CELF2: variants seen among roughly 807,000 people sequenced by gnomAD.
The protein encoded by CELF2 is CUGBP Elav-like family member 2.
CELF2 carries 8 observed loss-of-function variants against 62.6 expected under a neutral mutation model. The observed-to-expected ratio is 0.13, with a 90% CI of 0.07 to 0.23. The LOEUF (loss-of-function observed/expected upper bound fraction) is 0.23. CELF2 is among the 10% of genes least tolerant of loss of function. CELF2 has a pLI of 1.00. For missense variants in CELF2, 333 were observed against 671.0 expected (o/e 0.50, Z 5.56); for synonymous variants, 258 against 250.0 (o/e 1.03, Z -0.30).
intron 1 of CELF2, among the ~76,000 whole-genome samples, chr10:11,113,113 A>T (rs533040781): frequency 2.0e-5 from 3 of 152,258 alleles, no homozygotes; most frequent in Non-Finnish European, 4.4e-5. Flanking sequence ...GAACAGGGAA[A>T]CACAATTTTT....
chr10:10,560,315 G>A, the CELF2 span, among the ~76,000 whole-genome samples: 3 of 152,202 alleles, frequency 2.0e-5, no homozygotes, highest in South Asian at 6.2e-4. Context: ...TGTTTGAAAT[G>A]TAGAATGTAA....
chr10:10,485,348 T>G, the CELF2 span, among the ~76,000 whole-genome samples: 1 of 152,222 alleles, frequency 6.6e-6, no homozygotes, highest in African/African-American at 2.4e-5. Flanking sequence ...GTTCTACTCA[T>G]TTTTATTTTA....
chr10:10,732,046 G>T, the CELF2 span, among the ~76,000 whole-genome samples: 1 of 152,034 alleles, frequency 6.6e-6, no homozygotes, highest in Admixed American at 6.6e-5. Context: ...TACCCCATAT[G>T]TCCTGGCCTG....
chr10:10,822,123 T>C (rs1292077881), intron 1 of CELF2, among the ~76,000 whole-genome samples: 3 of 152,148 alleles, frequency 2.0e-5, no homozygotes, highest in African/African-American at 7.2e-5. Context: ...CGTTGTGCTG[T>C]GGTTGCTTGT....
the CELF2 span, among the ~76,000 whole-genome samples, chr10:10,615,240 G>A: frequency 5.8e-3 from 890 of 152,180 alleles, 3 homozygotes; most frequent in Non-Finnish European, 8.2e-3. Context: ...TGTGGGTCCC[G>A]TATTTGCCAA....
rs559470684 is a variant in CELF2 at position 11,332,856 on chromosome 10, A to G, written c.*3803A>G. ...TTTACTACTGCTGGGGCCTTCCTTC[A>G]TCCTCTGAGGGCTATTTTGTACTTT... is the stretch of plus-strand genomic sequence containing the variant. On this transcript the variant is annotated 3_prime_UTR_variant, in exon 13 of 13. Coordinates refer to ENST00000633077, the MANE Select transcript of CELF2 (RefSeq NM_001326342.2). 6 of 152,688 alleles carry G rather than the reference A, an allele frequency of 3.9e-5. No individual in the cohort carries two copies. In the South Asian group the frequency reaches 8.3e-4, roughly 21 times the overall value. 9.5% of individuals were successfully genotyped at this position (152,688 alleles called of 1,614,324 possible).
the CELF2 span, among the ~76,000 whole-genome samples, chr10:10,658,830 T>G: frequency 6.6e-6 from 1 of 152,138 alleles, no homozygotes; most frequent in East Asian, 1.9e-4. Context: ...ATCTGGAATT[T>G]ATGTTTTTAG....
chr10:10,818,628 A>G (rs887036197), intron 1 of CELF2, among the ~76,000 whole-genome samples: 1 of 141,512 alleles, frequency 7.1e-6, no homozygotes, highest in Non-Finnish European at 1.5e-5. Flanking sequence ...ATCTCAACTC[A>G]CTGCAGCCTC....
At chr10:11,136,380 A>T (rs2060441205) in intron 1 of CELF2, among the ~76,000 whole-genome samples, 1 of 152,180 alleles carries the variant, frequency 6.6e-6, no homozygotes, top group South Asian at 2.1e-4. Flanking sequence ...AAGTGGGTGG[A>T]TCACCTGAGG....
Position 11,306,971 on chromosome 10 carries a change from G to T in CELF2, c.977-7168G>T, listed in dbSNP as rs1211691991. Among the ~76,000 whole-genome samples the T allele has an allele frequency of 6.6e-6, 1 of 152,212 alleles. No individual in the cohort carries two copies. The highest frequency in any genetic ancestry group is 2.4e-5 in the African/African-American group (1 of 41,442). On this transcript the variant is annotated intron_variant, in intron 9 of 12. Coordinates refer to ENST00000633077, the MANE Select transcript of CELF2 (RefSeq NM_001326342.2). This position sits in a 1 kb window ranked among gnomAD's most constrained non-coding sequence, Gnocchi z 4.4. ...ACCTCTCCTATGGCCCCCTGAGCTA[G>T]GCTGCCCCATGCTCATAGGCTGTGC... is the stretch of plus-strand genomic sequence containing the variant.
In CELF2 at chr10:11,319,107, C is replaced by T. The variant is rs754288131; in HGVS notation, c.1097-2082C>T. 22 of 469,842 alleles carry T rather than the reference C, an allele frequency of 4.7e-5. No individual in the cohort carries two copies. Among genetic ancestry groups the T allele is most frequent in the African/African-American group, 2.2e-4 (11 of 50,062 alleles). The allele number at this position is 469,842 out of a possible 1,614,324, so 29.1% of individuals were successfully genotyped here. ...TTGAGATCCAAGCAGAGCGGCGAGT[C>T]GCCGCTCCTCTCCCGCCAGAATTTC... On this transcript the variant is annotated intron_variant, in intron 10 of 12. Coordinates refer to ENST00000633077, the MANE Select transcript of CELF2 (RefSeq NM_001326342.2). This position sits in a 1 kb window ranked among gnomAD's most constrained non-coding sequence, Gnocchi z 4.4.
At chr10:10,633,708 T>TGTTA in the CELF2 span, among the ~76,000 whole-genome samples, 1 of 47,038 alleles carries the variant, frequency 2.1e-5, no homozygotes, top group Non-Finnish European at 5.0e-5. Context: ...TGAGTATGTC[T>TGTTA]GTTATAGTAT....
At chr10:10,575,859 G>A in the CELF2 span, among the ~76,000 whole-genome samples, 1 of 152,064 alleles carries the variant, frequency 6.6e-6, no homozygotes, top group Non-Finnish European at 1.5e-5. Context: ...TTCAACAACT[G>A]AAAAAAACAT....
At chr10:10,772,803 C>A in the CELF2 span, among the ~76,000 whole-genome samples, 2 of 152,070 alleles carry the variant, frequency 1.3e-5, no homozygotes, top group Non-Finnish European at 2.9e-5. Context: ...TGTGAAAGAT[C>A]AAGGCAACAT....
chr10:10,546,581 C>T, the CELF2 span, among the ~76,000 whole-genome samples: 1 of 152,120 alleles, frequency 6.6e-6, no homozygotes, highest in East Asian at 1.9e-4. Context: ...TCTGCATGGA[C>T]TTGTATTAAG....
upstream of CELF2, chr10:11,005,264 G>T: frequency 6.9e-7 from 1 of 1,440,434 alleles, no homozygotes; most frequent in Non-Finnish European, 9.2e-7. This position sits in a 1 kb window ranked among gnomAD's most constrained non-coding sequence, Gnocchi z 4.3. Flanking sequence ...GGGAGAGAGA[G>T]AGAGAGAGAG....
rs184760710 is a variant in CELF2 at position 11,177,213 on chromosome 10, C to G, written c.271+11531C>G. Among the ~76,000 whole-genome samples, 98 of 152,240 alleles carry G rather than the reference C, an allele frequency of 6.4e-4. No homozygotes were observed. Among genetic ancestry groups the G allele is most frequent in the African/African-American group, 2.1e-3 (88 of 41,526 alleles). ...AAAAATTCACATTACTAAGGCATCC[C>G]CTACACAGAATGTTTAGTAGGGAGG... is the stretch of plus-strand genomic sequence containing the variant. On this transcript the variant is annotated intron_variant, in intron 2 of 12. Transcript: ENST00000633077. The surrounding 1 kb of genome is among the most constrained non-coding windows in gnomAD (Gnocchi z 4.8).
intron 1 of CELF2, among the ~76,000 whole-genome samples, chr10:11,086,238 G>T (rs1399539115): frequency 6.6e-6 from 1 of 151,982 alleles, no homozygotes; most frequent in African/African-American, 2.4e-5. Context: ...AGGAGAGAGC[G>T]GAATCTCCCC....
rs758657534 is a variant in CELF2 at position 11,246,783 on chromosome 10, G to A, written c.355-2370G>A. 1.6e-4 allele frequency among the ~76,000 whole-genome samples: 24 copies of A among 152,102 alleles called. No individual in the cohort carries two copies. Among genetic ancestry groups the A allele is most frequent in the African/African-American group, 4.6e-4 (19 of 41,402 alleles). On this transcript the variant is annotated intron_variant, in intron 3 of 12. Transcript: ENST00000633077. This position sits in a 1 kb window ranked among gnomAD's most constrained non-coding sequence, Gnocchi z 4.6. ...CCTTCTTTCCCTCGCTGACAGCTTCGCGCATACCTGTGGCTTCACTGTCAC... is the reference window on the plus strand; with the variant it reads ...CCTTCTTTCCCTCGCTGACAGCTTCACGCATACCTGTGGCTTCACTGTCAC...
Sources: gnomAD v4.1 joint callset for allele counts (sites outside exome capture counted in the v4.1 genomes callset) on GRCh38, gnomAD v4.1.1 for gene constraint, Gnocchi (gnomAD v3.1) non-coding constraint, MANE v1.5 for transcripts, NCBI Gene and HGNC (gene_info 2026-07-23, HGNC 2026-07-21) for gene names.